Variants in RBMS3 observed in about 807,000 individuals in gnomAD.
RBMS3 encodes RNA-binding motif, single-stranded-interacting protein 3.
Under a neutral mutation model 66.8 loss-of-function variants are expected in RBMS3, and 27 were observed. That is an observed-to-expected ratio of 0.40 (90% confidence interval 0.30 to 0.56). The LOEUF is 0.56. RBMS3 is among the 20% of genes least tolerant of loss of function. The probability of loss-of-function intolerance (pLI) is 0.40; values close to 1 mark genes in which losing one functional copy is unlikely to be tolerated. For missense variants in RBMS3, 513 were observed against 549.5 expected (o/e 0.93, Z 0.66); for synonymous variants, 188 against 183.0 (o/e 1.03, Z -0.22).
intron 1 of RBMS3, among the ~76,000 whole-genome samples, chr3:29,295,287 ATATATATACATATATATC>A (rs1259361314): frequency 0.17 from 1,021 of 6,162 alleles, 5 homozygotes; most frequent in Middle Eastern, 0.5. Flanking sequence ...ATATATATAT[ATATATATACATATATATC>A]TATATATATA....
At chr3:29,947,536 C>A (rs940560014) in intron 12 of RBMS3, among the ~76,000 whole-genome samples, 1 of 151,428 alleles carries the variant, frequency 6.6e-6, no homozygotes. Flanking sequence ...CCTGGAGTCA[C>A]CTCTTGTTGC....
Position 29,587,227 on chromosome 3 carries a change from GTTTTTTTTTTTTTTT to G in RBMS3, c.399+30_399+44del, listed in dbSNP as rs537893659. 8.0e-5 allele frequency: 17 copies of G among 213,458 alleles called. 1 individual carries two copies. The African/African-American group carries it at 1.5e-3, about 19-fold the overall frequency. 13.2% of individuals were successfully genotyped at this position (213,458 alleles called of 1,614,324 possible). On this transcript the variant is annotated intron_variant, in intron 4 of 14. Coordinates refer to ENST00000383767, the MANE Select transcript of RBMS3 (RefSeq NM_001003793.3). ...TAAGGTAAGATTGATGTTTAGGGGT[GTTTTTTTTTTTTTTT>G]TTTTTTTGTGTGTGTGTGTGTGTGT...
chr3:29,966,079 T>A (rs1176796056), intron 12 of RBMS3, among the ~76,000 whole-genome samples: 1 of 152,210 alleles, frequency 6.6e-6, no homozygotes, highest in Non-Finnish European at 1.5e-5. Context: ...TTCTGTTCCA[T>A]TGGTCTATGT....
chr3:29,896,906 G>C (rs1275032112), intron 8 of RBMS3, among the ~76,000 whole-genome samples: 1 of 151,514 alleles, frequency 6.6e-6, no homozygotes, highest in African/African-American at 2.4e-5. Context: ...TCTTTTCATG[G>C]AGAAAGTATT....
intron 3 of RBMS3, among the ~76,000 whole-genome samples, chr3:29,548,921 G>A (rs966409009): frequency 2.6e-5 from 4 of 152,068 alleles, no homozygotes; most frequent in African/African-American, 9.6e-5. Context: ...ATTCTCAAAT[G>A]TAAAAATGGT....
intron 3 of RBMS3, among the ~76,000 whole-genome samples, chr3:29,529,504 A>G (rs2045267352): frequency 6.6e-6 from 1 of 152,184 alleles, no homozygotes; most frequent in Non-Finnish European, 1.5e-5. Context: ...TCTTTTTTAT[A>G]CTTTATTTAA....
chr3:29,806,974 A>G (rs545477343), intron 6 of RBMS3, among the ~76,000 whole-genome samples: 44 of 151,978 alleles, frequency 2.9e-4, no homozygotes, highest in African/African-American at 9.9e-4. Flanking sequence ...GAACATCTGT[A>G]TTTACTTTCA....
chr3:29,866,309 C>T (rs1338438109), intron 6 of RBMS3, among the ~76,000 whole-genome samples: 1 of 152,038 alleles, frequency 6.6e-6, no homozygotes, highest in African/African-American at 2.4e-5. Context: ...CTGTTAAAAA[C>T]AAACAACAAA....
intron 12 of RBMS3, among the ~76,000 whole-genome samples, chr3:29,967,452 T>C (rs1340079180): frequency 1.3e-5 from 2 of 152,094 alleles, no homozygotes; most frequent in East Asian, 1.9e-4. Context: ...TGTGTCACCA[T>C]GTCCGGCTAA....
At chr3:29,800,361 T>C (rs1025883239) in intron 6 of RBMS3, among the ~76,000 whole-genome samples, 6 of 152,140 alleles carry the variant, frequency 3.9e-5, no homozygotes, top group African/African-American at 1.4e-4. Context: ...AGACACATTA[T>C]TAAGTATTCC....
intron 4 of RBMS3, among the ~76,000 whole-genome samples, chr3:29,591,816 G>A (rs1429443730): frequency 6.6e-6 from 1 of 152,146 alleles, no homozygotes; most frequent in Non-Finnish European, 1.5e-5. Context: ...CCGCAGAAAA[G>A]AAGTCACTCC....
intron 1 of RBMS3, among the ~76,000 whole-genome samples, chr3:29,404,243 G>T (rs116492702): frequency 0.012 from 1,856 of 152,036 alleles, 47 homozygotes; most frequent in African/African-American, 0.041. Context: ...GTTTTGAGTG[G>T]GACCAATCCG....
At chr3:29,293,833 T>C (rs1286644892) in intron 1 of RBMS3, among the ~76,000 whole-genome samples, 1 of 151,620 alleles carries the variant, frequency 6.6e-6, no homozygotes, top group Non-Finnish European at 1.5e-5. Context: ...CCTCTGATCC[T>C]TAAATTCTGC....
Position 29,379,916 on chromosome 3 carries a change from G to C in RBMS3, c.76-54827G>C, listed in dbSNP as rs1289027490. The stretch of plus-strand genomic sequence containing the variant: ...AGGGGTGGGAATAGAAAATAATGAG[G>C]AAGACTTAATTTAGTCAGTATAGTC... On this transcript the variant is annotated intron_variant, in intron 1 of 14. Transcript: ENST00000383767. Among the ~76,000 whole-genome samples, 2 of 152,078 alleles carry C rather than the reference G, an allele frequency of 1.3e-5. 1 individual carries two copies. Among genetic ancestry groups the C allele is most frequent in the Non-Finnish European group, 2.9e-5 (2 of 68,020 alleles).
intron 3 of RBMS3, among the ~76,000 whole-genome samples, chr3:29,520,417 A>G (rs900976112): frequency 5.3e-5 from 8 of 152,144 alleles, no homozygotes; most frequent in Non-Finnish European, 1.5e-5. Flanking sequence ...CTACATTTCT[A>G]TTGGACAGTA....
At chr3:29,835,651 T>G (rs189534623) in intron 6 of RBMS3, among the ~76,000 whole-genome samples, 17 of 151,634 alleles carry the variant, frequency 1.1e-4, no homozygotes, top group Admixed American at 9.9e-4. Context: ...AAGTTTAGAG[T>G]GATAAATTCC....
chr3:29,949,852 A>G (rs1695559533), intron 12 of RBMS3, among the ~76,000 whole-genome samples: 1 of 151,788 alleles, frequency 6.6e-6, no homozygotes, highest in South Asian at 2.1e-4. Flanking sequence ...TCTGTTTATT[A>G]TCCTCTTGGC....
At chr3:29,668,588 G>A (rs2050863425) in intron 4 of RBMS3, among the ~76,000 whole-genome samples, 2 of 152,260 alleles carry the variant, frequency 1.3e-5, no homozygotes, top group South Asian at 4.1e-4. Context: ...GAAGTAACCA[G>A]AAGTTAGCTG....
At chr3:29,291,692 TCCTTTTC>T (rs1173125326) in intron 1 of RBMS3, among the ~76,000 whole-genome samples, 1 of 151,818 alleles carries the variant, frequency 6.6e-6, no homozygotes, top group Non-Finnish European at 1.5e-5. Context: ...TGACATTTCT[TCCTTTTC>T]CCCAGTTCCC....
Sources: gnomAD v4.1 joint callset for allele counts (sites outside exome capture counted in the v4.1 genomes callset) on GRCh38, gnomAD v4.1.1 for gene constraint, MANE v1.5 for transcripts, NCBI Gene and HGNC (gene_info 2026-07-23, HGNC 2026-07-21) for gene names.